Variants in SNX3 observed in about 807,000 individuals in gnomAD.
The protein encoded by SNX3 is sorting nexin 3.
Under a neutral mutation model 17.7 loss-of-function variants are expected in SNX3, and 5 were observed. The ratio of observed to expected loss-of-function variants is 0.28; its 90% CI spans 0.15 to 0.59. The LOEUF (loss-of-function observed/expected upper bound fraction) is 0.59. SNX3 is among the 20% of genes least tolerant of loss of function. SNX3 has a pLI of 0.88. For missense variants in SNX3, 132 were observed against 206.8 expected, an observed-to-expected ratio of 0.64 and a Z score of 2.22; for synonymous variants, 91 against 76.5, an observed-to-expected ratio of 1.19 and a Z score of -0.99.
At chr6:108,253,492 T>G (rs1247526762) in intron 1 of SNX3, among the ~76,000 whole-genome samples, 1 of 151,904 alleles carries the variant, frequency 6.6e-6, no homozygotes, top group Non-Finnish European at 1.5e-5. Context: ...AGATCTGGCT[T>G]GATTGAATGT....
intron 1 of SNX3, among the ~76,000 whole-genome samples, chr6:108,240,160 T>A (rs565806350): frequency 2.0e-5 from 3 of 152,282 alleles, no homozygotes; most frequent in South Asian, 4.1e-4. Flanking sequence ...TGAAAAGTAA[T>A]CATTCAAGAA....
chr6:108,222,761 G>T (rs1290579747), intron 2 of SNX3, among the ~76,000 whole-genome samples, 189 bp downstream of exon 2: 3 of 151,866 alleles, frequency 2.0e-5, no homozygotes, highest in African/African-American at 7.3e-5. Context: ...CTGGGCCAAA[G>T]CAGACAAGAG....
intron 1 of SNX3, among the ~76,000 whole-genome samples, chr6:108,254,050 C>G (rs1775955942): frequency 6.6e-6 from 1 of 151,598 alleles, no homozygotes. Flanking sequence ...TGGCATGAAC[C>G]CAGGAGGTGG....
intron 1 of SNX3, among the ~76,000 whole-genome samples, chr6:108,247,250 T>G (rs1382387115): frequency 1.3e-5 from 2 of 152,180 alleles, no homozygotes; most frequent in African/African-American, 4.8e-5. Flanking sequence ...TAAACTTCTT[T>G]CCTTTACAAA....
chr6:108,245,980 T>C (rs1156644976), intron 1 of SNX3, among the ~76,000 whole-genome samples: 1 of 152,202 alleles, frequency 6.6e-6, no homozygotes, highest in African/African-American at 2.4e-5. Context: ...TTTGTTGCAA[T>C]TGCTTTTGAT....
At chr6:108,240,352 G>GGGATTACC (rs1775478421) in intron 1 of SNX3, among the ~76,000 whole-genome samples, 1 of 152,122 alleles carries the variant, frequency 6.6e-6, no homozygotes, top group Non-Finnish European at 1.5e-5. Context: ...CCAAGTAGCT[G>GGGATTACC]GGATTACCGG....
At chr6:108,214,171 C>G (rs1774494849) in intron 3 of SNX3, among the ~76,000 whole-genome samples, 1 of 152,156 alleles carries the variant, frequency 6.6e-6, no homozygotes, top group Admixed American at 6.5e-5. Flanking sequence ...TTTTATTGTT[C>G]ATGCTAGAAC....
At chr6:108,256,609 A>C (rs1776039465) in intron 1 of SNX3, among the ~76,000 whole-genome samples, 1 of 152,210 alleles carries the variant, frequency 6.6e-6, no homozygotes, top group South Asian at 2.1e-4. Context: ...GAAATGTTAA[A>C]TCTATTCTTT....
intron 1 of SNX3, among the ~76,000 whole-genome samples, chr6:108,233,071 T>C (rs1211390982): frequency 4.6e-5 from 7 of 152,254 alleles, no homozygotes; most frequent in Non-Finnish European, 1.0e-4. Flanking sequence ...GTATCCTTTA[T>C]GGTATAATTT....
chr6:108,226,846 T>C (rs1455326218), intron 1 of SNX3, among the ~76,000 whole-genome samples: 1 of 152,208 alleles, frequency 6.6e-6, no homozygotes, highest in Non-Finnish European at 1.5e-5. Context: ...GGCATAACAG[T>C]GTATAGGTTT....
At chr6:108,245,421 T>C (rs1340065306) in intron 1 of SNX3, among the ~76,000 whole-genome samples, 1 of 152,192 alleles carries the variant, frequency 6.6e-6, no homozygotes, top group Non-Finnish European at 1.5e-5. Flanking sequence ...TAAACATACG[T>C]GTGCATGTCT....
intron 1 of SNX3, among the ~76,000 whole-genome samples, chr6:108,236,156 T>C (rs1775322475): frequency 6.6e-6 from 1 of 151,862 alleles, no homozygotes; most frequent in African/African-American, 2.4e-5. Flanking sequence ...CTCTCTACAA[T>C]AAATAACTTA....
At chr6:108,236,544 C>T (rs1020210953) in intron 1 of SNX3, among the ~76,000 whole-genome samples, 9 of 151,218 alleles carry the variant, frequency 6.0e-5, no homozygotes, top group South Asian at 2.1e-4. Flanking sequence ...CCACTACGCC[C>T]GGCTAATTTT....
rs907775123 is a variant in SNX3, at chr6:108,261,022, G to A, written c.-101C>T. On this transcript the variant is annotated 5_prime_UTR_variant, in exon 1 of 4. Transcript: ENST00000230085. ...CCCGCCGTGGGGACACGGGGCTCGC[G>A]CGCAGCGGTCGCGAAGAGAACGAGC... 2.6e-6 allele frequency: 3 copies of A among 1,169,938 alleles called. No homozygotes were observed. The highest frequency in any genetic ancestry group is 3.4e-6 in the Non-Finnish European group (3 of 890,930). 72.5% of individuals were successfully genotyped at this position (1,169,938 alleles called of 1,614,324 possible). A position where few individuals can be genotyped will look rare whatever the true frequency, so the allele number is the denominator to read the frequency against.
intron 2 of SNX3, chr6:108,222,424 A>G: frequency 2.6e-6 from 3 of 1,152,224 alleles, no homozygotes; most frequent in South Asian, 1.3e-5. Context: ...CAGTGTTTTT[A>G]AATTGCCGGC....
chr6:108,231,679 C>T (rs1434072931), intron 1 of SNX3, among the ~76,000 whole-genome samples: 3 of 152,172 alleles, frequency 2.0e-5, no homozygotes, highest in African/African-American at 7.2e-5. Flanking sequence ...TTCCTTTTTC[C>T]TGAACCAGCC....
chr6:108,234,259 T>C (rs987967920), intron 1 of SNX3, among the ~76,000 whole-genome samples: 4 of 133,554 alleles, frequency 3.0e-5, no homozygotes, highest in African/African-American at 1.5e-4. Flanking sequence ...ATATATAACA[T>C]ATACATGTGA....
At chr6:108,243,778 C>T in intron 1 of SNX3, among the ~76,000 whole-genome samples, 1 of 151,966 alleles carries the variant, frequency 6.6e-6, no homozygotes, top group East Asian at 1.9e-4. Flanking sequence ...ACTGCAAATA[C>T]AAAAACCAGC....
chr6:108,236,140 G>A (rs966732320), intron 1 of SNX3, among the ~76,000 whole-genome samples: 1 of 151,984 alleles, frequency 6.6e-6, no homozygotes, highest in Non-Finnish European at 1.5e-5. Flanking sequence ...ATTGAAGACT[G>A]AGTTGCTCTC....
Sources: allele counts gnomAD v4.1 joint callset (sites outside exome capture counted in the v4.1 genomes callset), GRCh38; gene constraint gnomAD v4.1.1; transcripts MANE v1.5; gene names NCBI Gene and HGNC (gene_info 2026-07-23, HGNC 2026-07-21).